Variants in LY6K observed in about 807,000 individuals in gnomAD.
LY6K encodes lymphocyte antigen 6 family member K.
A neutral mutation model predicts 10.4 loss-of-function variants in LY6K; 9 were observed. The observed-to-expected ratio is 0.87, with a 90% CI of 0.52 to 1.52. LY6K has a LOEUF of 1.52. LY6K is among the 40% of genes most tolerant of loss of function. The pLI, the probability that LY6K is intolerant of heterozygous loss-of-function variation, is 0.00. For missense variants in LY6K, 217 were observed against 211.7 expected (o/e 1.02, Z -0.15); for synonymous variants, 98 against 83.7 (o/e 1.17, Z -0.94).
chr8:142,702,876 G>T, intron 2 of LY6K: 1 of 1,547,696 alleles, frequency 6.5e-7, no homozygotes, highest in Non-Finnish European at 8.7e-7. Flanking sequence ...AGTGCATATG[G>T]ACAGGCCATA....
chr8:142,702,342 C>A, intron 2 of LY6K: 1 of 651,568 alleles, frequency 1.5e-6, no homozygotes, highest in Non-Finnish European at 2.7e-6. Context: ...ATGCACAAAA[C>A]CAAGGTGTAC....
chr8:142,701,385 G>C (rs1356109204), intron 1 of LY6K, among the ~76,000 whole-genome samples: 2 of 152,192 alleles, frequency 1.3e-5, no homozygotes, highest in African/African-American at 2.4e-5. Context: ...ACAATCATGG[G>C]GGAAGGCGAA....
chr8:142,702,096 A>T (rs1239870159), intron 2 of LY6K: 1 of 279,598 alleles, frequency 3.6e-6, no homozygotes, highest in Non-Finnish European at 6.8e-6. Flanking sequence ...AGCGTAAGCC[A>T]CCGCGCCCTG....
In LY6K at chr8:142,703,370, G is replaced by A; in HGVS notation, c.497G>A (p.Ter166=). 1.2e-6 allele frequency: 2 copies of A among 1,608,038 alleles called. No homozygotes were observed. The highest frequency in any genetic ancestry group is 8.5e-7 in the Non-Finnish European group (1 of 1,177,732). The change falls in exon 3 of 3, where the codon TGA becomes TAA. Residue 166 remains the stop codon, a stop_retained_variant. Coordinates refer to ENST00000292430, the MANE Select transcript of LY6K (RefSeq NM_017527.4). The part of the protein sequence containing the change: ...ASIAAGLSLS[*] Reference sequence around the variant, plus strand: ...ATTGCAGCCGGCCTCAGCCTGTCTTGAGCCACGGGACTGCCACAGACTGAG... The same window carrying A: ...ATTGCAGCCGGCCTCAGCCTGTCTTAAGCCACGGGACTGCCACAGACTGAG...
chr8:142,702,253 C>A (rs1815070113), intron 2 of LY6K: 2 of 535,776 alleles, frequency 3.7e-6, no homozygotes, highest in Non-Finnish European at 6.7e-6. Context: ...TTCATATCAT[C>A]CATTTTTAAA....
rs1251065272 is a variant in LY6K, at chr8:142,704,163, C to T, written c.*792C>T. 1 of 151,984 alleles carries T rather than the reference C, an allele frequency of 6.6e-6. No individual in the cohort carries two copies. Among genetic ancestry groups the T allele is most frequent in the Non-Finnish European group, 1.5e-5 (1 of 68,004 alleles). The allele number at this position is 151,984 out of a possible 1,614,324, so 9.4% of individuals were successfully genotyped here. On this transcript the variant is annotated 3_prime_UTR_variant, in exon 3 of 3. Transcript: ENST00000292430. Reference sequence around the variant, plus strand: ...AATACAAGGGGACTTCAAAAGTTCACGAAAAAATTGAATTAAAAGATAAAA... The same window carrying T: ...AATACAAGGGGACTTCAAAAGTTCATGAAAAAATTGAATTAAAAGATAAAA...
At chr8:142,701,767 C>A in intron 2 of LY6K, 54 bp downstream of exon 2, 1 of 1,137,670 alleles carries the variant, frequency 8.8e-7, no homozygotes, top group Non-Finnish European at 1.3e-6. Context: ...AGAGGGCTTT[C>A]AGGAATCAGG....
intron 2 of LY6K, 63 bp downstream of exon 2, chr8:142,701,776 G>A: frequency 9.4e-7 from 1 of 1,060,576 alleles, no homozygotes; most frequent in Non-Finnish European, 1.5e-6. Flanking sequence ...TCAGGAATCA[G>A]GGCTGTCTAG....
chr8:142,702,938 C>T, intron 2 of LY6K, 153 bp from the exon 3 acceptor site: 2 of 1,550,504 alleles, frequency 1.3e-6, no homozygotes, highest in Non-Finnish European at 1.7e-6. Flanking sequence ...ACAGGCCTGG[C>T]CCTCGTCCTC....
rs1563811329 is a variant in LY6K, at chr8:142,700,640, G to C, written c.103+10G>C. 1 of 1,516,058 alleles carries C rather than the reference G, an allele frequency of 6.6e-7. No homozygotes were observed. The highest frequency in any genetic ancestry group is 2.0e-5 in the Admixed American group (1 of 48,854). 93.9% of individuals were successfully genotyped at this position (1,516,058 alleles called of 1,614,324 possible). On this transcript the variant is annotated intron_variant, in intron 1 of 2. Coordinates refer to ENST00000292430, the MANE Select transcript of LY6K (RefSeq NM_017527.4). The stretch of plus-strand genomic sequence containing the variant: ...GACTCCCAGCGAACGGGTGAGCCTG[G>C]CTCGCCCTCCACAGCCACGGGCCGA...
At position 142,700,565 on chromosome 8, in the gene LY6K, C is replaced by G; in HGVS notation, c.38C>G (p.Pro13Arg). 1 of 1,588,572 alleles carries G rather than the reference C, an allele frequency of 6.3e-7. No individual in the cohort carries two copies. The highest frequency in any genetic ancestry group is 1.1e-5 in the South Asian group (1 of 87,584). ...GCCTTGCTGCTGGTCGTGGCCCTAC[C>G]GCGGGTGTGGACAGACGCCAACCTG... is the stretch of plus-strand genomic sequence containing the variant. ...LLALLLVVALPRVWTDANLTA... is the reference protein window; with the variant it reads ...LLALLLVVALRRVWTDANLTA... The change falls in exon 1 of 3, where the codon CCG becomes CGG. Residue 13 changes from proline to arginine, a missense_variant. Transcript: ENST00000292430.
Position 142,701,587 on chromosome 8 carries a change from T to C in LY6K, c.104-13T>C. ...CTGGAACATTCTGCTTTCTTTTTTA[T>C]TCCTCCTTTCAGACGAGGGTGACAA... On this transcript the variant is annotated splice_polypyrimidine_tract_variant and intron_variant, in intron 1 of 2. Transcript: ENST00000292430. 3 of 1,553,866 alleles carry C rather than the reference T, an allele frequency of 1.9e-6. No homozygotes were observed.
At position 142,700,596 on chromosome 8, in the gene LY6K, G is replaced by C; in HGVS notation, c.69G>C (p.Ala23=). ...TGTGGACAGACGCCAACCTGACTGC[G>C]AGACAACGAGATCCAGAGGACTCCC... ...PRVWTDANLT[A]RQRDPEDSQR... The change falls in exon 1 of 3, where the codon GCG becomes GCC. Residue 23 remains alanine (A), a synonymous_variant. Coordinates refer to ENST00000292430, the MANE Select transcript of LY6K (RefSeq NM_017527.4). 1 of 1,574,912 alleles carries C rather than the reference G, an allele frequency of 6.3e-7. No homozygotes were observed.
chr8:142,700,263 G>A lies in LY6K; in HGVS notation c.-265G>A. ...CGCCTTTCCCAGGGCTCCCGCGCCC[G>A]TTCCTGCCTGGCCGCCGGCCGCTCC... On this transcript the variant is annotated 5_prime_UTR_variant, in exon 1 of 3. Transcript: ENST00000292430. 2.6e-6 allele frequency: 3 copies of A among 1,143,722 alleles called. No individual in the cohort carries two copies. The highest frequency in any genetic ancestry group is 2.2e-6 in the Non-Finnish European group (2 of 913,310). 70.8% of individuals were successfully genotyped at this position (1,143,722 alleles called of 1,614,324 possible). A position where few individuals can be genotyped will look rare whatever the true frequency, so the allele number is the denominator to read the frequency against.
At chr8:142,703,043 G>A in intron 2 of LY6K, 48 bp from the exon 3 acceptor site, 8 of 1,607,764 alleles carry the variant, frequency 5.0e-6, no homozygotes, top group Non-Finnish European at 6.8e-6. Context: ...TCGGTGTCAG[G>A]CATTGGAATT....
rs141122872 is a variant in LY6K, at chr8:142,703,154, G to T, written c.281G>T (p.Arg94Ile). 1 of 1,614,238 alleles carries T rather than the reference G, an allele frequency of 6.2e-7. No individual in the cohort carries two copies. The highest frequency in any genetic ancestry group is 1.7e-5 in the Admixed American group (1 of 60,036). ...QCSAGCAAMERPKPEEKRFLL... is the reference protein window; with the variant it reads ...QCSAGCAAMEIPKPEEKRFLL... ...TCCGCTGGTTGTGCAGCGATGGAGA[G>T]ACCCAAGCCAGAGGAGAAGCGGTTT... Residue 94 changes from arginine (R) to isoleucine (I), a missense_variant, in exon 3 of 3, where the codon AGA becomes ATA. Arg to Ile is a moderately conservative substitution (Grantham distance 97). Transcript: ENST00000292430.
chr8:142,701,126 G>A (rs1815010846), intron 1 of LY6K, among the ~76,000 whole-genome samples: 1 of 151,872 alleles, frequency 6.6e-6, no homozygotes, highest in East Asian at 1.9e-4. Flanking sequence ...AGATGCCAGG[G>A]CCCGTGGGTG....
chr8:142,700,410 C>T lies in LY6K; in HGVS notation c.-118C>T, dbSNP rs1469809998. The T allele has an allele frequency of 4.4e-6, 6 of 1,352,864 alleles. No individual in the cohort carries two copies. The East Asian group carries it at 9.5e-5, about 21-fold the overall frequency. The allele number at this position is 1,352,864 out of a possible 1,614,324, so 83.8% of individuals were successfully genotyped here. On this transcript the variant is annotated 5_prime_UTR_variant, in exon 1 of 3. Coordinates refer to ENST00000292430, the MANE Select transcript of LY6K (RefSeq NM_017527.4). ...CGGGTGGGAGGCGCGCGCCCCGGGGCGGGCGGGGCTCCCCCTACCGGCCAG... is the reference window on the plus strand; with the variant it reads ...CGGGTGGGAGGCGCGCGCCCCGGGGTGGGCGGGGCTCCCCCTACCGGCCAG...
At position 142,703,622 on chromosome 8, in the gene LY6K, T is replaced by C. The variant is rs1167581221; in HGVS notation, c.*251T>C. On this transcript the variant is annotated 3_prime_UTR_variant, in exon 3 of 3. Coordinates refer to ENST00000292430, the MANE Select transcript of LY6K (RefSeq NM_017527.4). ...AGTTTTTCTCTTTGAAATCAAACCT[T>C]GTAACTCATTTATTGCTGATGGCCA... 1 of 514,090 alleles carries C rather than the reference T, an allele frequency of 1.9e-6. No individual in the cohort carries two copies. Among genetic ancestry groups the C allele is most frequent in the Non-Finnish European group, 3.4e-6 (1 of 290,428 alleles). The allele number at this position is 514,090 out of a possible 1,614,324, so 31.8% of individuals were successfully genotyped here.
Sources: gnomAD v4.1 joint callset for allele counts (sites outside exome capture counted in the v4.1 genomes callset) on GRCh38, gnomAD v4.1.1 for gene constraint, MANE v1.5 for transcripts, NCBI Gene and HGNC (gene_info 2026-07-23, HGNC 2026-07-21) for gene names.